Variants in TARS2 observed in about 807,000 individuals in gnomAD.
TARS2 encodes the protein threonyl-tRNA synthetase 2, mitochondrial, also known as threonine--tRNA ligase, mitochondrial.
TARS2 carries 61 observed loss-of-function variants against 94.4 expected under a neutral mutation model. That is an observed-to-expected ratio of 0.65 (90% CI 0.53 to 0.80). TARS2 has a LOEUF of 0.80. Among genes scored for constraint, TARS2 ranks in the 30% least tolerant of loss-of-function variants. TARS2 has a pLI of 0.00. For synonymous variants in TARS2, 359 were observed against 353.4 expected (o/e 1.02, Z -0.18); for missense variants, 704 against 902.5 (o/e 0.78, Z 2.82).
intron 17 of TARS2, among the ~76,000 whole-genome samples, chr1:150,506,482 G>GCACACA (rs1442330518): frequency 3.3e-5 from 1 of 29,906 alleles, no homozygotes; most frequent in African/African-American, 9.2e-5. Context: ...TCAGACACGC[G>GCACACA]CGCGCACACA....
At chr1:150,493,661 G>A (rs1170230208) in intron 7 of TARS2, among the ~76,000 whole-genome samples, 2 of 151,918 alleles carry the variant, frequency 1.3e-5, no homozygotes, top group Non-Finnish European at 2.9e-5. Context: ...GCTGAGGCAG[G>A]AGAATCACTT....
In TARS2 at chr1:150,490,680, G is replaced by A. The variant is rs754212220; in HGVS notation, c.467G>A (p.Ser156Asn). The A allele has an allele frequency of 4.3e-6, 7 of 1,613,896 alleles. No homozygotes were observed. In the Admixed American group the frequency reaches 8.3e-5, roughly 19 times the overall value. Reference protein sequence around the residue: ...FLGAVLCRGPSTEYGFYHDFF... With the variant: ...FLGAVLCRGPNTEYGFYHDFF... ...GGTGCTGTTCTCTGCAGAGGTCCAA[G>A]TACAGAATATGGCTTTTACCATGAT... Residue 156 changes from serine (S) to asparagine (N), a missense_variant, in exon 4 of 18, where the codon AGT becomes AAT. Transcript: ENST00000369064.
intron 7 of TARS2, among the ~76,000 whole-genome samples, chr1:150,493,749 G>A (rs1300282496): frequency 8.7e-5 from 13 of 148,630 alleles, no homozygotes; most frequent in South Asian, 4.2e-4. Flanking sequence ...GCAAAACTCC[G>A]TCTCAAAAAA....
chr1:150,503,899 T>A (rs1670079022), intron 13 of TARS2, among the ~76,000 whole-genome samples: 1 of 133,438 alleles, frequency 7.5e-6, no homozygotes, highest in Non-Finnish European at 1.6e-5. Flanking sequence ...TGAGACTCTG[T>A]CTCAAAAAAA....
intron 13 of TARS2, 107 bp from the exon 14 acceptor site, chr1:150,504,228 C>T: frequency 9.9e-7 from 1 of 1,015,160 alleles, no homozygotes. Flanking sequence ...AAGGTAGTAG[C>T]CCGGGATGAG....
rs910957696 is a variant in TARS2, at chr1:150,507,231, G to A, written c.*167G>A. On this transcript the variant is annotated 3_prime_UTR_variant, in exon 18 of 18. Transcript: ENST00000369064. ...TTGGTTTGGGGACCCCACAAAAGGAGGGAAGCTGTAGCTGTTTGGATGTGA... is the reference window on the plus strand; with the variant it reads ...TTGGTTTGGGGACCCCACAAAAGGAAGGAAGCTGTAGCTGTTTGGATGTGA... 1.1e-5 allele frequency: 10 copies of A among 885,680 alleles called. No individual in the cohort carries two copies. In the African/African-American group the frequency reaches 1.5e-4, roughly 14 times the overall value. 54.9% of individuals were successfully genotyped at this position (885,680 alleles called of 1,614,324 possible).
intron 7 of TARS2, among the ~76,000 whole-genome samples, chr1:150,495,885 A>G (rs930031663): frequency 4.0e-5 from 6 of 151,000 alleles, no homozygotes; most frequent in African/African-American, 1.5e-4. Context: ...ACACCCAGTT[A>G]ATTTTTTTGT....
intron 7 of TARS2, among the ~76,000 whole-genome samples, chr1:150,493,927 TG>T (rs1570842471): frequency 6.6e-6 from 1 of 151,662 alleles, no homozygotes; most frequent in East Asian, 1.9e-4. Flanking sequence ...GAGGCCAAGG[TG>T]GGTGGATCAC....
At chr1:150,497,806 T>A in intron 10 of TARS2, 59 bp downstream of exon 10, 1 of 1,533,932 alleles carries the variant, frequency 6.5e-7, no homozygotes, top group Non-Finnish European at 8.8e-7. Flanking sequence ...AGAAAGCACC[T>A]TGGGGCCGGG....
chr1:150,490,451 AC>A, intron 3 of TARS2, 149 bp from the exon 4 acceptor site: 2 of 1,193,004 alleles, frequency 1.7e-6, no homozygotes, highest in Non-Finnish European at 2.3e-6. Flanking sequence ...TTTAGTGGTC[AC>A]CCCCAAAATC....
intron 6 of TARS2, chr1:150,492,029 C>T (rs587733756): frequency 5.7e-4 from 147 of 255,800 alleles, no homozygotes; most frequent in Non-Finnish European, 7.2e-4. Context: ...TGCAGTGGCG[C>T]GATCTCGGCT....
rs1670165202 is a variant in TARS2 at position 150,505,612 on chromosome 1, G to A, written c.1915G>A (p.Ala639Thr). Residue 639 changes from alanine to threonine, a missense_variant, in exon 17 of 18, where the codon GCA becomes ACA. Coordinates refer to ENST00000369064, the MANE Select transcript of TARS2 (RefSeq NM_025150.5). ...AKEAQQSLRA[A>T]GLVSDLDADS... ...GCAGGCACAGCAGAGCCTGCGGGCT[G>A]CAGGACTGGTCAGTGACCTGGATGC... The A allele has an allele frequency of 6.2e-7, 1 of 1,614,048 alleles. No homozygotes were observed. The highest frequency in any genetic ancestry group is 8.5e-7 in the Non-Finnish European group (1 of 1,180,040).
Position 150,496,853 on chromosome 1 carries a change from G to C in TARS2, c.965G>C (p.Cys322Ser). The change falls in exon 9 of 18, where the codon TGC (cysteine) becomes TCC (serine). Residue 322 changes from cysteine to serine, a missense_variant. Physicochemically the swap from Cys to Ser is moderately radical, Grantham distance 112 (BLOSUM62 -1). Transcript: ENST00000369064. ...TTCCATGAACTGAGCCCTGGGAGCT[G>C]CTTCTTCCTGCCACGAGGGACAAGG... ...FFFHELSPGS[C>S]FFLPRGTRVY... 1 of 1,614,106 alleles carries C rather than the reference G, an allele frequency of 6.2e-7. No individual in the cohort carries two copies. Among genetic ancestry groups the C allele is most frequent in the Non-Finnish European group, 8.5e-7 (1 of 1,180,020 alleles).
intron 17 of TARS2, among the ~76,000 whole-genome samples, chr1:150,506,486 GCACACA>G (rs10581752): frequency 0.084 from 10,404 of 123,740 alleles, 624 homozygotes; most frequent in Non-Finnish European, 0.12. Flanking sequence ...ACACGCGCGC[GCACACA>G]CACACACACA....
At chr1:150,488,809 C>T (rs940303188) in intron 2 of TARS2, among the ~76,000 whole-genome samples, 155 bp from the exon 3 acceptor site, 2 of 152,204 alleles carry the variant, frequency 1.3e-5, no homozygotes, top group African/African-American at 4.8e-5. Flanking sequence ...CTCCCCTCCC[C>T]CATCCTTTCC....
At chr1:150,492,187 A>T (rs1420516915) in intron 6 of TARS2, 1 of 477,044 alleles carries the variant, frequency 2.1e-6, no homozygotes, top group Non-Finnish European at 3.9e-6. Flanking sequence ...GCTGGTCTCG[A>T]ACTCCTGACC....
chr1:150,501,341 T>A (rs1669910340), intron 13 of TARS2, among the ~76,000 whole-genome samples: 1 of 126,418 alleles, frequency 7.9e-6, no homozygotes, highest in Admixed American at 8.5e-5. Context: ...TTATTGAGAC[T>A]ATGTCTCGCT....
chr1:150,501,196 T>G (rs1244714438), intron 13 of TARS2, among the ~76,000 whole-genome samples: 4 of 151,178 alleles, frequency 2.6e-5, no homozygotes, highest in Non-Finnish European at 4.4e-5. Context: ...ATCCCAGCAC[T>G]TAGGGAGGCT....
intron 11 of TARS2, 42 bp downstream of exon 11, chr1:150,498,706 T>A: frequency 6.2e-7 from 1 of 1,612,930 alleles, no homozygotes; most frequent in Non-Finnish European, 8.5e-7. Flanking sequence ...CTAAACCACC[T>A]TTCTTTCTCC....
Sources: allele counts gnomAD v4.1 joint callset (sites outside exome capture counted in the v4.1 genomes callset), GRCh38; gene constraint gnomAD v4.1.1; transcripts MANE v1.5; gene names NCBI Gene and HGNC (gene_info 2026-07-23, HGNC 2026-07-21).